The following ANKRD36 variants were observed in gnomAD, a reference collection of about 807,000 sequenced individuals.
ANKRD36 encodes ankyrin repeat domain-containing protein 36A.
A neutral mutation model predicts 278.1 loss-of-function variants in ANKRD36; 179 were observed. That is an observed-to-expected ratio of 0.64 (90% CI 0.57 to 0.73). The LOEUF is 0.73. Among genes scored for constraint, ANKRD36 ranks in the 30% least tolerant of loss-of-function variants. ANKRD36 has a pLI of 0.00. For missense variants in ANKRD36, 1,159 were observed against 1,956.7 expected (o/e 0.59, Z 7.69); for synonymous variants, 320 against 641.1 (o/e 0.50, Z 7.57).
At chr2:97,227,895 A>G (rs1425326246) in intron 67 of ANKRD36, among the ~76,000 whole-genome samples, 4 of 152,118 alleles carry the variant, frequency 2.6e-5, no homozygotes, top group Admixed American at 6.6e-5. Flanking sequence ...TGAGATAATC[A>G]TGTGGTTTTT....
intron 60 of ANKRD36, among the ~76,000 whole-genome samples, chr2:97,214,073 A>G (rs1486303442): frequency 3.3e-5 from 5 of 151,116 alleles, no homozygotes; most frequent in African/African-American, 1.2e-4. Context: ...CCCAAGGAAG[A>G]GGGATTGTGA....
chr2:97,185,540 G>A (rs74983014), intron 30 of ANKRD36, 30 bp downstream of exon 30: 3 of 1,600,182 alleles, frequency 1.9e-6, no homozygotes, highest in African/African-American at 1.3e-5. Context: ...TTAATGTCAT[G>A]TTCAGTCCAG....
rs1394466062 is a variant in ANKRD36, at chr2:97,118,505, A to G, written c.474A>G (p.Glu158=). The G allele has an allele frequency of 1.9e-6, 3 of 1,589,390 alleles. No individual in the cohort carries two copies. Among genetic ancestry groups the G allele is most frequent in the South Asian group, 2.3e-5 (2 of 86,502 alleles). The change falls in exon 3 of 76, where the codon GAA becomes GAG. Residue 158 remains glutamate, a synonymous_variant. Transcript: ENST00000420699. ...TTCTTTCACATGGTACAAATATTGA[A>G]GAATGCAGCAAGGTATAGGTCAACC... ...EKLLSHGTNI[E]ECSKCEYQPL...
At chr2:97,222,280 A>G (rs2067976849) in intron 66 of ANKRD36, among the ~76,000 whole-genome samples, 2 of 151,974 alleles carry the variant, frequency 1.3e-5, no homozygotes, top group Non-Finnish European at 2.9e-5. Flanking sequence ...TTGGTTCCAT[A>G]TGAACTTTAA....
At chr2:97,178,391 C>T (rs527646263) in intron 22 of ANKRD36, among the ~76,000 whole-genome samples, 5 of 151,932 alleles carry the variant, frequency 3.3e-5, no homozygotes, top group South Asian at 2.1e-4. Context: ...ATGCTTATTA[C>T]GGCATTATTC....
At chr2:97,231,422 G>A (rs946233655) in intron 67 of ANKRD36, among the ~76,000 whole-genome samples, 9 of 152,156 alleles carry the variant, frequency 5.9e-5, no homozygotes, top group Admixed American at 2.6e-4. Context: ...CTCCATGGGC[G>A]CAGGACCCTC....
intron 64 of ANKRD36, among the ~76,000 whole-genome samples, chr2:97,217,895 G>A (rs1300982697): frequency 2.0e-5 from 3 of 151,516 alleles, no homozygotes; most frequent in Non-Finnish European, 2.9e-5. Context: ...GTAATTTTGG[G>A]GTTTCTGCTG....
At chr2:97,206,380 A>G (rs2062854530) in intron 52 of ANKRD36, among the ~76,000 whole-genome samples, 1 of 151,502 alleles carries the variant, frequency 6.6e-6, no homozygotes, top group African/African-American at 2.4e-5. Context: ...GCAGTTGAAG[A>G]CATAAGGGTC....
chr2:97,227,569 A>T (rs928666245), intron 67 of ANKRD36, among the ~76,000 whole-genome samples: 15 of 152,114 alleles, frequency 9.9e-5, no homozygotes, highest in African/African-American at 3.6e-4. Context: ...TGTCGTCTGC[A>T]AACAGGGACA....
intron 52 of ANKRD36, among the ~76,000 whole-genome samples, chr2:97,206,831 T>C (rs1164746325): frequency 6.6e-6 from 1 of 151,552 alleles, no homozygotes; most frequent in Non-Finnish European, 1.5e-5. Context: ...GTTTTGTTGA[T>C]TTTAGGTATA....
chr2:97,139,671 A>G (rs1451793545), intron 6 of ANKRD36, among the ~76,000 whole-genome samples: 4 of 152,114 alleles, frequency 2.6e-5, no homozygotes, highest in Non-Finnish European at 4.4e-5. Flanking sequence ...GAAATGAAAC[A>G]GAAGTATGGG....
Position 97,209,782 on chromosome 2 carries a change from A to C in ANKRD36, c.3295-18A>C, listed in dbSNP as rs754631192. 6.3e-7 allele frequency: 1 copy of C among 1,598,176 alleles called. No individual in the cohort carries two copies. Among genetic ancestry groups the C allele is most frequent in the Admixed American group, 1.7e-5 (1 of 58,418 alleles). On this transcript the variant is annotated intron_variant, in intron 55 of 75. Transcript: ENST00000420699. ...TGAAAGATACCTTACTTATTATTTC[A>C]TTTCAAATTCCATTCAGGCTACAAG...
intron 46 of ANKRD36, among the ~76,000 whole-genome samples, chr2:97,200,784 G>T (rs1321533449): frequency 6.6e-6 from 1 of 151,864 alleles, no homozygotes; most frequent in Non-Finnish European, 1.5e-5. Context: ...GGGCTCTGGG[G>T]CCCAGCATAA....
At chr2:97,145,781 A>C (rs2044092369) in intron 10 of ANKRD36, among the ~76,000 whole-genome samples, 1 of 152,044 alleles carries the variant, frequency 6.6e-6, no homozygotes, top group Non-Finnish European at 1.5e-5. Flanking sequence ...CAGAAAATAC[A>C]AAAGTGTAGG....
At chr2:97,135,011 G>T (rs1357687754) in intron 6 of ANKRD36, among the ~76,000 whole-genome samples, 1 of 152,078 alleles carries the variant, frequency 6.6e-6, no homozygotes, top group Non-Finnish European at 1.5e-5. Flanking sequence ...TCTTCCCTAG[G>T]AGAGGATTAG....
Position 97,177,369 on chromosome 2 carries a change from A to C in ANKRD36, c.1634-2369A>C, listed in dbSNP as rs565000765. On this transcript the variant is annotated intron_variant, in intron 22 of 75. Transcript: ENST00000420699. ...AACCAAAAAAGAGCCCACATCGCCA[A>C]GTCAATCCTAAGCCAAAAGAACAAA... Among the ~76,000 whole-genome samples, 631 of 152,058 alleles carry C rather than the reference A, an allele frequency of 4.1e-3. 5 individuals are homozygous for C. The highest frequency in any genetic ancestry group is 0.015 in the African/African-American group (603 of 41,536).
intron 26 of ANKRD36, among the ~76,000 whole-genome samples, chr2:97,183,129 G>C (rs918654025): frequency 6.6e-6 from 1 of 151,628 alleles, no homozygotes; most frequent in African/African-American, 2.4e-5. Flanking sequence ...TTGATTCCTG[G>C]GTGTATGAGT....
intron 62 of ANKRD36, chr2:97,215,756 A>C: frequency 4.5e-6 from 4 of 881,192 alleles, no homozygotes; most frequent in South Asian, 1.6e-5. Context: ...TAACAGCCTC[A>C]GGGGACAGCA....
intron 67 of ANKRD36, among the ~76,000 whole-genome samples, chr2:97,226,619 C>T (rs1478887593): frequency 6.6e-6 from 1 of 152,030 alleles, no homozygotes; most frequent in Admixed American, 6.6e-5. Context: ...TGCAAAATCT[C>T]TTCAGTTTAA....
Sources: allele counts gnomAD v4.1 joint callset (sites outside exome capture counted in the v4.1 genomes callset), GRCh38; gene constraint gnomAD v4.1.1; transcripts MANE v1.5; gene names NCBI Gene and HGNC (gene_info 2026-07-23, HGNC 2026-07-21).